KATNBL1: variants seen among roughly 807,000 people sequenced by gnomAD.
KATNBL1 encodes the protein KATNB1-like protein 1.
Under a neutral mutation model 44.7 loss-of-function variants are expected in KATNBL1, and 28 were observed. The ratio of observed to expected loss-of-function variants is 0.63; its 90% CI spans 0.46 to 0.86. KATNBL1 has a LOEUF of 0.86. Among genes scored for constraint, KATNBL1 ranks in the 40% least tolerant of loss-of-function variants. KATNBL1 has a pLI of 0.00. For synonymous variants in KATNBL1, 78 were observed against 114.9 expected (o/e 0.68, Z 2.06); for missense variants, 272 against 350.7 (o/e 0.78, Z 1.79).
At chr15:34,165,389 C>T (rs890533950) in intron 1 of KATNBL1, among the ~76,000 whole-genome samples, 4 of 152,116 alleles carry the variant, frequency 2.6e-5, no homozygotes, top group Non-Finnish European at 4.4e-5. Flanking sequence ...CTCTACCCTT[C>T]CTTGAAACCT....
At chr15:34,188,522 C>G (rs1020188790) in intron 1 of KATNBL1, among the ~76,000 whole-genome samples, 4 of 152,154 alleles carry the variant, frequency 2.6e-5, no homozygotes, top group African/African-American at 9.7e-5. Flanking sequence ...TGCCACTGTA[C>G]TCCAGGTTGG....
chr15:34,158,529 GC>G (rs975258729), intron 2 of KATNBL1, among the ~76,000 whole-genome samples: 3 of 152,284 alleles, frequency 2.0e-5, no homozygotes, highest in African/African-American at 7.2e-5. Context: ...ATGGACAACA[GC>G]TATTTCTTCT....
intron 2 of KATNBL1, among the ~76,000 whole-genome samples, chr15:34,156,242 G>A (rs568557179): frequency 6.6e-6 from 1 of 152,186 alleles, no homozygotes. Context: ...CTCAGTGTCG[G>A]GAGACAGAAG....
chr15:34,160,836 A>G (rs1266505608), intron 2 of KATNBL1, among the ~76,000 whole-genome samples: 1 of 151,542 alleles, frequency 6.6e-6, no homozygotes, highest in African/African-American at 2.4e-5. Flanking sequence ...CCTACTGGAA[A>G]TTTTTTGCCT....
At chr15:34,195,704 A>C (rs960953971) in intron 1 of KATNBL1, among the ~76,000 whole-genome samples, 3 of 149,852 alleles carry the variant, frequency 2.0e-5, no homozygotes, top group Non-Finnish European at 3.0e-5. Context: ...AAAAAAAAAA[A>C]CCCAAAAAAC....
chr15:34,168,768 C>T (rs941096333), intron 1 of KATNBL1, among the ~76,000 whole-genome samples: 55 of 152,090 alleles, frequency 3.6e-4, no homozygotes, highest in African/African-American at 1.3e-3. Context: ...TCAAATTAGA[C>T]CTCAGGATTA....
At chr15:34,168,642 C>A (rs979399115) in intron 1 of KATNBL1, among the ~76,000 whole-genome samples, 20 of 152,308 alleles carry the variant, frequency 1.3e-4, no homozygotes, top group Admixed American at 1.2e-3. Context: ...ATACATTCTT[C>A]TCAGCACCAC....
chr15:34,150,058 T>A (rs1888422401), intron 4 of KATNBL1, among the ~76,000 whole-genome samples: 1 of 152,188 alleles, frequency 6.6e-6, no homozygotes, highest in Non-Finnish European at 1.5e-5. Context: ...GGTCAATGGT[T>A]ATATGTATTT....
intron 1 of KATNBL1, among the ~76,000 whole-genome samples, chr15:34,179,200 A>C (rs984711973): frequency 6.6e-6 from 1 of 152,230 alleles, no homozygotes; most frequent in Non-Finnish European, 1.5e-5. Flanking sequence ...AGAGGCTTGG[A>C]AGTCCAAGAC....
chr15:34,191,837 C>T (rs1889882417), intron 1 of KATNBL1, among the ~76,000 whole-genome samples: 1 of 151,178 alleles, frequency 6.6e-6, no homozygotes. Flanking sequence ...GTCCCAGCTA[C>T]TTGAGAGGCT....
intron 1 of KATNBL1, among the ~76,000 whole-genome samples, chr15:34,166,934 T>C (rs561454623): frequency 9.2e-5 from 14 of 151,888 alleles, no homozygotes; most frequent in South Asian, 2.1e-4. Flanking sequence ...CAAAACCCCA[T>C]CCGTAAGTCA....
intron 2 of KATNBL1, among the ~76,000 whole-genome samples, chr15:34,162,288 T>C (rs1888830144): frequency 6.6e-6 from 1 of 152,186 alleles, no homozygotes; most frequent in African/African-American, 2.4e-5. Context: ...TTTGTGGTAG[T>C]GAATAAGTCT....
At chr15:34,183,524 G>A (rs2140972399) in intron 1 of KATNBL1, among the ~76,000 whole-genome samples, 1 of 152,070 alleles carries the variant, frequency 6.6e-6, no homozygotes, top group Middle Eastern at 3.4e-3. Context: ...CTATAACCTT[G>A]GAAACAGCTG....
Position 34,141,999 on chromosome 15 carries a change from G to C in KATNBL1, c.*340C>G, listed in dbSNP as rs961252964. The C allele has an allele frequency of 2.3e-5, 4 of 174,872 alleles. No homozygotes were observed. Among genetic ancestry groups the C allele is most frequent in the African/African-American group, 9.5e-5 (4 of 42,010 alleles). The allele number at this position is 174,872 out of a possible 1,614,324, so 10.8% of individuals were successfully genotyped here. Reference sequence around the variant, plus strand: ...AAGTCCTGTCTTATTTTTTCACATAGTATAAATTATATTTTTATGCAGGAT... The same window carrying C: ...AAGTCCTGTCTTATTTTTTCACATACTATAAATTATATTTTTATGCAGGAT... On this transcript the variant is annotated 3_prime_UTR_variant, in exon 10 of 10. Transcript: ENST00000256544.
intron 1 of KATNBL1, among the ~76,000 whole-genome samples, chr15:34,207,430 G>A (rs762621280): frequency 1.3e-4 from 19 of 151,974 alleles, no homozygotes; most frequent in Non-Finnish European, 2.4e-4. Flanking sequence ...GGATGGTCTC[G>A]ATCTCCTGAC....
At chr15:34,209,189 A>G (rs1890367870) in intron 1 of KATNBL1, 1 of 152,214 alleles carries the variant, frequency 6.6e-6, no homozygotes, top group South Asian at 2.1e-4. Context: ...CAAAAAACCC[A>G]GCAGATTTAA....
chr15:34,156,458 G>A (rs2140916845), intron 2 of KATNBL1, among the ~76,000 whole-genome samples: 1 of 152,298 alleles, frequency 6.6e-6, no homozygotes, highest in East Asian at 1.9e-4. Flanking sequence ...CATAACAATT[G>A]CTTTTGTTTA....
At chr15:34,203,276 T>A (rs1266769151) in intron 1 of KATNBL1, among the ~76,000 whole-genome samples, 1 of 152,194 alleles carries the variant, frequency 6.6e-6, no homozygotes, top group African/African-American at 2.4e-5. Context: ...ACATCCAATT[T>A]GTTGACTTTG....
intron 1 of KATNBL1, among the ~76,000 whole-genome samples, chr15:34,193,227 A>C (rs868841855): frequency 2.2e-5 from 3 of 136,608 alleles, no homozygotes; most frequent in African/African-American, 8.1e-5. Flanking sequence ...AAAAAAAAAA[A>C]AAAAAAAACA....
Sources: gnomAD v4.1 joint callset for allele counts (sites outside exome capture counted in the v4.1 genomes callset) on GRCh38, gnomAD v4.1.1 for gene constraint, MANE v1.5 for transcripts, NCBI Gene and HGNC (gene_info 2026-07-23, HGNC 2026-07-21) for gene names.